The following SURF4 variants were observed in gnomAD, a reference collection of about 807,000 sequenced individuals.
The protein encoded by SURF4 is surfeit locus protein 4.
Under a neutral mutation model 30.0 loss-of-function variants are expected in SURF4, and 3 were observed. The observed-to-expected ratio is 0.10, with a 90% CI of 0.05 to 0.26. SURF4 has a LOEUF of 0.26. SURF4 is among the 10% of genes least tolerant of loss of function. The pLI is 1.00. For synonymous variants in SURF4, 143 were observed against 139.9 expected, an observed-to-expected ratio of 1.02 and a Z score of -0.16; for missense variants, 217 against 350.8, an observed-to-expected ratio of 0.62 and a Z score of 3.05.
chr9:133,374,227 T>G (rs921148462), intron 1 of SURF4, among the ~76,000 whole-genome samples: 1 of 152,144 alleles, frequency 6.6e-6, no homozygotes, highest in Non-Finnish European at 1.5e-5. Context: ...ACCTGGTTCT[T>G]GAGAGCTTTT....
chr9:133,375,966 C>T lies in SURF4; in HGVS notation c.4G>A (p.Gly2Ser). The change falls in exon 1 of 6, where the codon GGC becomes AGC. Residue 2 changes from glycine (G) to serine (S), a missense_variant. By Grantham distance (56) the Gly-to-Ser change is moderately conservative. Coordinates refer to ENST00000371989, the MANE Select transcript of SURF4 (RefSeq NM_033161.4). The stretch of plus-strand genomic sequence containing the variant: ...GCCGTGCCCATCAGGTCGTTCTGGC[C>T]CATGGCGACGGCGGGAGGCTCGGCT... MGQNDLMGTAED... is the reference protein window; with the variant it reads MSQNDLMGTAED... 1 of 1,231,414 alleles carries T rather than the reference C, an allele frequency of 8.1e-7. No individual in the cohort carries two copies. The highest frequency in any genetic ancestry group is 1.0e-6 in the Non-Finnish European group (1 of 983,178). The allele number at this position is 1,231,414 out of a possible 1,614,324, so 76.3% of individuals were successfully genotyped here.
upstream of SURF4, chr9:133,376,362 GCCTGA>G: frequency 7.2e-7 from 1 of 1,385,960 alleles, no homozygotes; most frequent in Non-Finnish European, 9.4e-7. Flanking sequence ...CGGGAGGGAC[GCCTGA>G]GTGCCTCGAG....
upstream of SURF4, among the ~76,000 whole-genome samples, chr9:133,377,736 C>G (rs1341363285): frequency 6.6e-6 from 1 of 151,916 alleles, no homozygotes; most frequent in Non-Finnish European, 1.5e-5. Context: ...GACAATTTTT[C>G]CACAGATGGA....
intron 1 of SURF4, among the ~76,000 whole-genome samples, chr9:133,368,408 C>G (rs1206572098): frequency 6.6e-6 from 1 of 152,248 alleles, no homozygotes; most frequent in African/African-American, 2.4e-5. Context: ...TGGCGCTTCC[C>G]AGCCCGACGG....
At chr9:133,375,812 G>A (rs1188499155) in intron 1 of SURF4, 110 bp downstream of exon 1, 2 of 1,096,266 alleles carry the variant, frequency 1.8e-6, no homozygotes, top group East Asian at 3.5e-5. Context: ...TGGGAACAAG[G>A]AGTCAGGGGG....
At chr9:133,376,715 A>G (rs2130250786), upstream of SURF4, among the ~76,000 whole-genome samples, 3 of 152,180 alleles carry the variant, frequency 2.0e-5, no homozygotes, top group Non-Finnish European at 4.4e-5. Flanking sequence ...GGGGCCTCCA[A>G]CGGTGACCTC....
At chr9:133,369,206 C>T (rs1255561972) in intron 1 of SURF4, among the ~76,000 whole-genome samples, 1 of 152,216 alleles carries the variant, frequency 6.6e-6, no homozygotes, top group African/African-American at 2.4e-5. Context: ...CCACTGCGCC[C>T]TGCAGTGTCA....
At chr9:133,364,028 T>G in intron 5 of SURF4, 1 of 683,478 alleles carries the variant, frequency 1.5e-6, no homozygotes, top group Non-Finnish European at 2.7e-6. Flanking sequence ...GAATCTCTAA[T>G]CCATAACTAA....
intron 1 of SURF4, 129 bp from the exon 2 acceptor site, chr9:133,367,574 G>A (rs1023234641): frequency 1.5e-5 from 23 of 1,539,846 alleles, no homozygotes; most frequent in South Asian, 2.4e-5. Flanking sequence ...TGTCAGCCCC[G>A]GTGCCTTCCC....
rs913722544 is a variant in SURF4 at position 133,366,591 on chromosome 9, C to T, written c.312+8G>A. The T allele has an allele frequency of 1.4e-5, 22 of 1,613,698 alleles. No homozygotes were observed. Among genetic ancestry groups the T allele is most frequent in the South Asian group, 9.9e-5 (9 of 91,086 alleles). On this transcript the variant is annotated splice_region_variant and intron_variant, in intron 3 of 5. Transcript: ENST00000371989. The stretch of plus-strand genomic sequence containing the variant: ...GAGAAGGGAGCCCCGACCACGCGGC[C>T]CGTGTACCTGCAGAGCTATGATTCC...
intron 1 of SURF4, among the ~76,000 whole-genome samples, chr9:133,373,207 T>G (rs1837610694): frequency 6.6e-6 from 1 of 152,206 alleles, no homozygotes; most frequent in Admixed American, 6.5e-5. Context: ...TGAGCAGGTT[T>G]GGCCTCCCCT....
intron 2 of SURF4, 128 bp from the exon 3 acceptor site, chr9:133,366,803 C>T (rs1174816303): frequency 4.0e-6 from 3 of 743,936 alleles, no homozygotes; most frequent in Admixed American, 4.4e-5. Flanking sequence ...AAGCAAAAGA[C>T]AACTTCTGGA....
intron 1 of SURF4, among the ~76,000 whole-genome samples, chr9:133,369,778 T>C (rs1363622121): frequency 1.3e-5 from 2 of 152,348 alleles, no homozygotes; most frequent in South Asian, 2.1e-4. Context: ...TCTCAAGGAA[T>C]GGCCTCACAT....
chr9:133,370,495 A>G (rs2130179318), intron 1 of SURF4, among the ~76,000 whole-genome samples: 2 of 152,158 alleles, frequency 1.3e-5, no homozygotes, highest in Non-Finnish European at 2.9e-5. Flanking sequence ...TGGACTGAAC[A>G]CTGAAAAAGC....
At chr9:133,364,783 G>A in intron 5 of SURF4, 57 bp downstream of exon 5, 2 of 1,576,942 alleles carry the variant, frequency 1.3e-6, no homozygotes, top group Non-Finnish European at 1.7e-6. Context: ...GGAGGGGGTG[G>A]GGGAGGGACA....
chr9:133,364,107 G>A (rs2130098758), intron 5 of SURF4, among the ~76,000 whole-genome samples: 32 of 152,172 alleles, frequency 2.1e-4, no homozygotes, highest in African/African-American at 6.5e-4. Flanking sequence ...TCTCCATGGC[G>A]CCAGGAGCTC....
chr9:133,374,815 T>A (rs2130229475), intron 1 of SURF4, among the ~76,000 whole-genome samples: 36 of 152,130 alleles, frequency 2.4e-4, no homozygotes, highest in Non-Finnish European at 3.1e-4. Context: ...CTTTTTTTTT[T>A]AAACCACACA....
upstream of SURF4, chr9:133,376,347 G>A: frequency 7.2e-7 from 1 of 1,380,396 alleles, no homozygotes; most frequent in South Asian, 1.6e-5. Flanking sequence ...TCTGGGGCCA[G>A]CGCGCGGGAG....
intron 1 of SURF4, among the ~76,000 whole-genome samples, chr9:133,373,937 A>G (rs28615356): frequency 1.4e-5 from 2 of 146,738 alleles, no homozygotes; most frequent in African/African-American, 5.1e-5. Flanking sequence ...AAAAAAAAAG[A>G]AGAAGAAAAC....
Sources: gnomAD v4.1 joint callset for allele counts (sites outside exome capture counted in the v4.1 genomes callset) on GRCh38, gnomAD v4.1.1 for gene constraint, MANE v1.5 for transcripts, NCBI Gene and HGNC (gene_info 2026-07-23, HGNC 2026-07-21) for gene names.